MAP3K20: variants seen among roughly 807,000 people sequenced by gnomAD.
MAP3K20 encodes HCCS-4.
A neutral mutation model predicts 85.7 loss-of-function variants in MAP3K20; 40 were observed. That is an observed-to-expected ratio of 0.47 (90% CI 0.36 to 0.61). MAP3K20 has a LOEUF of 0.61. MAP3K20 is among the 20% of genes least tolerant of loss of function. The pLI, the probability that MAP3K20 is intolerant of heterozygous loss-of-function variation, is 0.00. For missense variants in MAP3K20, 817 were observed against 961.7 expected, an observed-to-expected ratio of 0.85 and a Z score of 1.99; for synonymous variants, 325 against 327.7, an observed-to-expected ratio of 0.99 and a Z score of 0.09.
At chr2:173,084,780 A>T (rs13004212) in intron 1 of MAP3K20, among the ~76,000 whole-genome samples, 40,362 of 152,086 alleles carry the variant, frequency 0.27, 6,631 homozygotes, top group Non-Finnish European at 0.36. Flanking sequence ...AGAAAACCAT[A>T]ATTTCCATTA....
intron 2 of MAP3K20, among the ~76,000 whole-genome samples, chr2:173,147,655 C>T (rs1411252097): frequency 3.3e-5 from 5 of 152,072 alleles, no homozygotes; most frequent in Non-Finnish European, 5.9e-5. Flanking sequence ...GGCACGATCT[C>T]GGCTCACTGC....
In MAP3K20 at chr2:173,223,582, G is replaced by A. The variant is rs996865091; in HGVS notation, c.988-6107G>A. The A allele has an allele frequency of 1.0e-5, 10 of 985,310 alleles. No individual in the cohort carries two copies. The African/African-American group carries it at 1.7e-4, about 17-fold the overall frequency. The allele number at this position is 985,310 out of a possible 1,614,324, so 61.0% of individuals were successfully genotyped here. ...GTGGATAGCTTTCAGGAAAGATAAA[G>A]AGAACATGCTTAGAATGTAAGCTAA... On this transcript the variant is annotated intron_variant, in intron 11 of 19. Coordinates refer to ENST00000375213, the MANE Select transcript of MAP3K20 (RefSeq NM_016653.3).
At chr2:173,082,384 C>T (rs919139828) in intron 1 of MAP3K20, among the ~76,000 whole-genome samples, 1 of 152,156 alleles carries the variant, frequency 6.6e-6, no homozygotes, top group South Asian at 2.1e-4. Flanking sequence ...TTCCTTTCAC[C>T]CTTCATCTTA....
At chr2:173,221,887 T>A in intron 11 of MAP3K20, 5 of 996,042 alleles carry the variant, frequency 5.0e-6, no homozygotes, top group Non-Finnish European at 6.0e-6. Flanking sequence ...ATTCAAATCA[T>A]TTTTAAAAAC....
intron 2 of MAP3K20, among the ~76,000 whole-genome samples, chr2:173,134,428 A>ATATATTTTT (rs56330241): frequency 6.3e-4 from 2 of 3,154 alleles, no homozygotes; most frequent in East Asian, 8.9e-3. Context: ...ATATATATAT[A>ATATATTTTT]TTTTTTTTTT....
chr2:173,226,809 A>G (rs1276600986), intron 11 of MAP3K20: 1 of 983,120 alleles, frequency 1.0e-6, no homozygotes, highest in Admixed American at 6.2e-5. Context: ...AATAGAAAAT[A>G]TTTATATTCT....
intron 18 of MAP3K20, among the ~76,000 whole-genome samples, chr2:173,262,529 T>G (rs897303181): frequency 1.5e-4 from 22 of 151,594 alleles, no homozygotes; most frequent in Admixed American, 4.6e-4. Context: ...GAACCCTGGA[T>G]GCAGAAGTTG....
intron 1 of MAP3K20, among the ~76,000 whole-genome samples, chr2:173,081,617 T>C (rs529569092): frequency 6.6e-5 from 10 of 152,220 alleles, no homozygotes; most frequent in African/African-American, 2.2e-4. Context: ...GCTTTGGGAA[T>C]TGGGGGGAAG....
chr2:173,131,728 C>G (rs1297551766), intron 2 of MAP3K20, among the ~76,000 whole-genome samples: 2 of 152,118 alleles, frequency 1.3e-5, no homozygotes, highest in Non-Finnish European at 2.9e-5. Context: ...GAGGCAAGTT[C>G]TCTAAGGGTC....
At chr2:173,253,464 T>C (rs1685087716) in intron 16 of MAP3K20, among the ~76,000 whole-genome samples, 1 of 152,130 alleles carries the variant, frequency 6.6e-6, no homozygotes, top group Non-Finnish European at 1.5e-5. Flanking sequence ...AACTTTAAAC[T>C]TGTGATCTTG....
chr2:173,146,300 C>T lies in MAP3K20; in HGVS notation c.160-23505C>T, dbSNP rs75216634. ...GCCTTTTAGAGGGATTCTCCAGAAG[C>T]GCCAATCAATAACCAAATGTGTGTG... On this transcript the variant is annotated intron_variant, in intron 2 of 19. Transcript: ENST00000375213. Among the ~76,000 whole-genome samples the T allele has an allele frequency of 9.8e-4, 149 of 151,836 alleles. 3 individuals carry two copies. In the East Asian group the frequency reaches 0.024, roughly 24 times the overall value.
chr2:173,169,781 C>G, intron 2 of MAP3K20, 24 bp from the exon 3 acceptor site: 1 of 1,599,674 alleles, frequency 6.3e-7, no homozygotes, highest in Non-Finnish European at 8.5e-7. Context: ...TGTTATGCAA[C>G]TTTGCATTTT....
At chr2:173,225,551 A>C in intron 11 of MAP3K20, 1 of 958,666 alleles carries the variant, frequency 1.0e-6, no homozygotes, top group Non-Finnish European at 1.2e-6. Context: ...CTGAGATTGC[A>C]CCACTACACT....
intron 2 of MAP3K20, among the ~76,000 whole-genome samples, chr2:173,134,193 CT>C (rs1351658012): frequency 0.026 from 3,422 of 130,360 alleles, 115 homozygotes; most frequent in African/African-American, 0.087. Flanking sequence ...CAATAGCTAT[CT>C]TTTTTTTTTT....
rs1264832983 is a variant in MAP3K20, at chr2:173,267,096, T to C, written c.*346T>C. On this transcript the variant is annotated 3_prime_UTR_variant, in exon 20 of 20. Transcript: ENST00000375213. The stretch of plus-strand genomic sequence containing the variant: ...AAGGAAAATGAGGTCAACAAAAAAA[T>C]CAAATTTTTAGGAAAAGATAAGATG... The C allele has an allele frequency of 5.8e-6, 1 of 171,574 alleles. No homozygotes were observed. The highest frequency in any genetic ancestry group is 1.2e-5 in the Non-Finnish European group (1 of 81,206). 10.6% of individuals were successfully genotyped at this position (171,574 alleles called of 1,614,324 possible).
chr2:173,078,933 C>CT (rs1456192165), intron 1 of MAP3K20, among the ~76,000 whole-genome samples: 4 of 152,148 alleles, frequency 2.6e-5, no homozygotes, highest in Non-Finnish European at 5.9e-5. Flanking sequence ...GCTTGAGCTA[C>CT]TTTCATACCC....
At chr2:173,212,367 C>T (rs922668401) in intron 10 of MAP3K20, 1 of 151,972 alleles carries the variant, frequency 6.6e-6, no homozygotes, top group Non-Finnish European at 1.5e-5. Context: ...GAGAAATATA[C>T]TAGATGTCTG....
intron 2 of MAP3K20, among the ~76,000 whole-genome samples, chr2:173,113,911 C>G (rs910787268): frequency 6.6e-6 from 1 of 151,876 alleles, no homozygotes; most frequent in Admixed American, 6.6e-5. Context: ...TCCATTTGTT[C>G]TGAGGTATAG....
rs750995390 is a variant in MAP3K20 at position 173,266,425 on chromosome 2, G to C, written c.2078G>C (p.Arg693Thr). The C allele has an allele frequency of 1.9e-6, 3 of 1,614,094 alleles. No individual in the cohort carries two copies. Among genetic ancestry groups the C allele is most frequent in the Non-Finnish European group, 1.7e-6 (2 of 1,180,014 alleles). ...RGSISLNSSP[R>T]GRYSGKSQHS... ...AGTATATCACTCAATTCTTCTCCTA[G>C]AGGAAGATACAGTGGAAAGAGTCAG... The change falls in exon 20 of 20, where the codon AGA (arginine) becomes ACA (threonine). Residue 693 changes from arginine to threonine, a missense_variant. Around this residue, in one of 4 missense-constraint regions of MAP3K20, gnomAD observed 454 missense variants for 476.9 expected, o/e 0.95. Coordinates refer to ENST00000375213, the MANE Select transcript of MAP3K20 (RefSeq NM_016653.3).
Sources: gnomAD v4.1 joint callset for allele counts (sites outside exome capture counted in the v4.1 genomes callset) on GRCh38, gnomAD v4.1.1 for gene constraint, gnomAD v4.1.1 regional missense constraint, MANE v1.5 for transcripts, NCBI Gene and HGNC (gene_info 2026-07-23, HGNC 2026-07-21) for gene names.